Variants in NRIP1 observed in about 807,000 individuals in gnomAD.
NRIP1 encodes the protein nuclear receptor interacting protein 1.
In NRIP1, 28 loss-of-function variants were observed where a neutral mutation model predicts 75.0. The observed-to-expected ratio is 0.37, with a 90% CI of 0.28 to 0.51. The LOEUF is 0.51. Ranked by LOEUF, NRIP1 falls within the 20% of genes least tolerant of loss-of-function variation. The pLI is 0.92. For missense variants in NRIP1, 1,435 were observed against 1,343.7 expected, an observed-to-expected ratio of 1.07 and a Z score of -1.06; for synonymous variants, 526 against 487.6, an observed-to-expected ratio of 1.08 and a Z score of -1.04.
chr21:15,009,470 A>G (rs919257289), intron 3 of NRIP1, among the ~76,000 whole-genome samples: 1 of 151,892 alleles, frequency 6.6e-6, no homozygotes, highest in Non-Finnish European at 1.5e-5. Context: ...AAGTGGAGAA[A>G]GCACTGAAAG....
At chr21:15,050,612 G>A (rs745446146) in intron 1 of NRIP1, 1 of 394,878 alleles carries the variant, frequency 2.5e-6, no homozygotes, top group Non-Finnish European at 5.0e-6. Flanking sequence ...TAGAGTCTAA[G>A]TTCAAACACA....
In NRIP1 at chr21:14,964,446, G is replaced by T. The variant is rs2086667290; in HGVS notation, c.*270C>A. ...TAATTTATGCCTAATATTTATAAAA[G>T]AATTTCATTCATAGGCTACTCACAG... On this transcript the variant is annotated 3_prime_UTR_variant, in exon 4 of 4. Transcript: ENST00000318948. The T allele has an allele frequency of 3.5e-6, 1 of 283,600 alleles. No individual in the cohort carries two copies. 17.6% of individuals were successfully genotyped at this position (283,600 alleles called of 1,614,324 possible).
At chr21:15,050,835 C>A (rs1044346292) in intron 1 of NRIP1, 10 of 455,920 alleles carry the variant, frequency 2.2e-5, no homozygotes, top group Non-Finnish European at 4.0e-5. Context: ...AGCGATACCT[C>A]CTCTACCTGA....
chr21:15,064,298 G>A (rs1190647292), intron 1 of NRIP1, among the ~76,000 whole-genome samples: 2 of 152,240 alleles, frequency 1.3e-5, no homozygotes, highest in African/African-American at 4.8e-5. Context: ...TATCCAGCGA[G>A]CAAGGAGCAG....
intron 3 of NRIP1, among the ~76,000 whole-genome samples, chr21:14,999,689 C>T (rs1468677671): frequency 6.6e-6 from 1 of 152,122 alleles, no homozygotes; most frequent in South Asian, 2.1e-4. Flanking sequence ...TATAATAATT[C>T]CTAAGGTTCC....
At chr21:14,981,945 C>T (rs2087247773) in intron 3 of NRIP1, among the ~76,000 whole-genome samples, 1 of 151,662 alleles carries the variant, frequency 6.6e-6, no homozygotes, top group South Asian at 2.1e-4. Flanking sequence ...TCCGACTCCC[C>T]AGGATCAAGC....
chr21:14,994,679 T>A (rs892021556), intron 3 of NRIP1, among the ~76,000 whole-genome samples: 5 of 152,188 alleles, frequency 3.3e-5, no homozygotes, highest in African/African-American at 1.2e-4. Flanking sequence ...GTGAAGACAT[T>A]TCATTTCAAA....
At chr21:15,005,966 C>T (rs2087962131) in intron 3 of NRIP1, among the ~76,000 whole-genome samples, 1 of 152,068 alleles carries the variant, frequency 6.6e-6, no homozygotes, top group Non-Finnish European at 1.5e-5. Context: ...ATTTGTAGCA[C>T]AGTCACAGGT....
intron 2 of NRIP1, among the ~76,000 whole-genome samples, chr21:15,043,110 C>T (rs1326595967): frequency 1.3e-5 from 2 of 152,202 alleles, no homozygotes; most frequent in African/African-American, 4.8e-5. Flanking sequence ...GTAGAGCTGT[C>T]ACAGGCAGGA....
At chr21:15,009,827 C>T (rs1018353) in intron 3 of NRIP1, among the ~76,000 whole-genome samples, 104,998 of 152,094 alleles carry the variant, frequency 0.69, 37,711 homozygotes, top group East Asian at 0.93. Flanking sequence ...TGTAGTCTTG[C>T]TAAAAACTTC....
chr21:14,976,284 G>C (rs1223857527), intron 3 of NRIP1, among the ~76,000 whole-genome samples: 4 of 152,054 alleles, frequency 2.6e-5, no homozygotes. Flanking sequence ...ATTTTAGAAA[G>C]TAATAAAATC....
At chr21:14,971,782 T>C (rs114005664) in intron 3 of NRIP1, among the ~76,000 whole-genome samples, 37 of 152,350 alleles carry the variant, frequency 2.4e-4, no homozygotes, top group African/African-American at 8.9e-4. Flanking sequence ...GTGGTTACCA[T>C]AGTATGGATA....
intron 3 of NRIP1, among the ~76,000 whole-genome samples, chr21:15,006,279 A>T (rs1032266133): frequency 1.3e-5 from 2 of 152,196 alleles, no homozygotes; most frequent in African/African-American, 4.8e-5. Flanking sequence ...TTTTAGCATT[A>T]CCAGTGCATG....
intron 3 of NRIP1, among the ~76,000 whole-genome samples, chr21:14,998,249 C>T (rs1372889458): frequency 1.3e-5 from 2 of 152,208 alleles, no homozygotes; most frequent in Admixed American, 1.3e-4. Flanking sequence ...GATGGACCTT[C>T]TCAGTCTTTA....
intron 3 of NRIP1, among the ~76,000 whole-genome samples, chr21:14,984,486 T>C (rs1382904936): frequency 6.6e-6 from 1 of 151,580 alleles, no homozygotes; most frequent in Admixed American, 6.6e-5. Flanking sequence ...CTTACACATG[T>C]GTAAAGAAAG....
intron 2 of NRIP1, among the ~76,000 whole-genome samples, chr21:15,031,176 C>G (rs1488268269): frequency 2.8e-5 from 4 of 142,028 alleles, no homozygotes; most frequent in African/African-American, 7.8e-5. Context: ...TATGTGTGTA[C>G]ACTCTGGAAG....
chr21:14,982,876 C>T (rs781487931), intron 3 of NRIP1, among the ~76,000 whole-genome samples: 16 of 151,966 alleles, frequency 1.1e-4, no homozygotes, highest in Admixed American at 2.6e-4. Context: ...CTATCTGCTA[C>T]GGTGATGTGT....
intron 3 of NRIP1, among the ~76,000 whole-genome samples, chr21:14,986,560 C>T (rs1223434481): frequency 6.6e-6 from 1 of 152,168 alleles, no homozygotes; most frequent in Non-Finnish European, 1.5e-5. Flanking sequence ...GCTAAAAAGT[C>T]ATGTGGGTCC....
chr21:15,039,110 G>A (rs1478932228), intron 2 of NRIP1, among the ~76,000 whole-genome samples: 1 of 152,088 alleles, frequency 6.6e-6, no homozygotes, highest in Admixed American at 6.5e-5. Context: ...CTGAGAAGAC[G>A]CCTTTTCAGC....
Sources: allele counts gnomAD v4.1 joint callset (sites outside exome capture counted in the v4.1 genomes callset), GRCh38; gene constraint gnomAD v4.1.1; transcripts MANE v1.5; gene names NCBI Gene and HGNC (gene_info 2026-07-23, HGNC 2026-07-21).